Variants in TNKS observed in about 807,000 individuals in gnomAD.
TNKS encodes poly [ADP-ribose] polymerase tankyrase-1.
In TNKS, 72 loss-of-function variants were observed where a neutral mutation model predicts 135.8. The ratio of observed to expected loss-of-function variants is 0.53; its 90% CI spans 0.44 to 0.64. The LOEUF (loss-of-function observed/expected upper bound fraction) is 0.64, where lower values mean the gene tolerates loss of function less well. Ranked by LOEUF, TNKS falls within the 30% of genes least tolerant of loss-of-function variation. The pLI is 0.00. For missense variants in TNKS, 1,769 were observed against 1,674.0 expected (o/e 1.06, Z -0.99); for synonymous variants, 849 against 649.3 (o/e 1.31, Z -4.68).
At chr8:9,679,916 A>G (rs755175775) in intron 3 of TNKS, 35 bp from the exon 4 acceptor site, 1 of 1,585,844 alleles carries the variant, frequency 6.3e-7, no homozygotes, top group South Asian at 1.1e-5. Context: ...GTCTTCTGCC[A>G]AATGCTAACA....
intron 1 of TNKS, among the ~76,000 whole-genome samples, chr8:9,559,971 G>C (rs1435407119): frequency 1.3e-5 from 2 of 152,118 alleles, no homozygotes; most frequent in African/African-American, 2.4e-5. Context: ...TGATGCCTTT[G>C]TAAGATGGCT....
chr8:9,729,214 C>T (rs771621016), intron 13 of TNKS, among the ~76,000 whole-genome samples: 2 of 152,132 alleles, frequency 1.3e-5, no homozygotes, highest in Non-Finnish European at 2.9e-5. Flanking sequence ...GGGAAGAGTC[C>T]GCATGACCCA....
chr8:9,556,730 C>T (rs1815330624), intron 1 of TNKS, 118 bp downstream of exon 1: 1 of 1,165,692 alleles, frequency 8.6e-7, no homozygotes, highest in Admixed American at 2.2e-5. Context: ...GGTTCTTCAT[C>T]ACCTCACCAG....
intron 2 of TNKS, among the ~76,000 whole-genome samples, chr8:9,603,464 A>G (rs536683135): frequency 1.4e-4 from 22 of 152,252 alleles, no homozygotes; most frequent in Non-Finnish European, 2.4e-4. Context: ...ATTGGGCAGC[A>G]TAACTCTAGA....
Position 9,556,173 on chromosome 8 carries a change from C to T in TNKS, c.234C>T (p.Pro78=), listed in dbSNP as rs758104089. The T allele has an allele frequency of 1.2e-6, 2 of 1,612,164 alleles. No homozygotes were observed. The highest frequency in any genetic ancestry group is 2.2e-5 in the East Asian group (1 of 44,844). Residue 78 remains proline (P), a synonymous_variant, in exon 1 of 27, where the codon CCC becomes CCT. Transcript: ENST00000310430. ...GDGSRDPPDR[P]RSPDPVDGTS... is the part of the protein sequence containing the mutation. ...GCAGTCGGGATCCGCCCGACAGGCCCCGATCCCCGGACCCGGTTGACGGTA... is the reference window on the plus strand; with the variant it reads ...GCAGTCGGGATCCGCCCGACAGGCCTCGATCCCCGGACCCGGTTGACGGTA...
At chr8:9,574,670 CT>C (rs1017481840) in intron 1 of TNKS, among the ~76,000 whole-genome samples, 1 of 152,156 alleles carries the variant, frequency 6.6e-6, no homozygotes, top group Non-Finnish European at 1.5e-5. Flanking sequence ...AATTTATTTT[CT>C]TCAAATTCTT....
At chr8:9,752,299 C>T (rs1276663711) in intron 19 of TNKS, among the ~76,000 whole-genome samples, 1 of 151,880 alleles carries the variant, frequency 6.6e-6, no homozygotes, top group Admixed American at 6.6e-5. Context: ...AGTTATAATT[C>T]TATATTCTAA....
At chr8:9,613,549 T>TATCAGC (rs2128764555) in intron 2 of TNKS, among the ~76,000 whole-genome samples, 1 of 152,352 alleles carries the variant, frequency 6.6e-6, no homozygotes, top group South Asian at 2.1e-4. Context: ...TGAATTTTGT[T>TATCAGC]ATCAGCATCT....
chr8:9,561,026 C>CAACT (rs1371010901), intron 1 of TNKS, among the ~76,000 whole-genome samples: 8 of 152,130 alleles, frequency 5.3e-5, no homozygotes, highest in Admixed American at 5.2e-4. Context: ...TGTAACAAGC[C>CAACT]AACTGTTCAA....
At chr8:9,739,520 A>G (rs1246054810) in intron 17 of TNKS, among the ~76,000 whole-genome samples, 4 of 17,448 alleles carry the variant, frequency 2.3e-4, no homozygotes, top group African/African-American at 1.0e-3. Flanking sequence ...ATCTAGAACT[A>G]GAAATACCAT....
intron 5 of TNKS, among the ~76,000 whole-genome samples, chr8:9,703,963 C>T (rs1803934250): frequency 6.6e-6 from 1 of 152,130 alleles, no homozygotes; most frequent in Non-Finnish European, 1.5e-5. Context: ...AATAACTTGA[C>T]TCAAATTACA....
chr8:9,681,904 C>G (rs1802797537), intron 5 of TNKS, among the ~76,000 whole-genome samples: 1 of 152,090 alleles, frequency 6.6e-6, no homozygotes, highest in Admixed American at 6.6e-5. Flanking sequence ...TATATCGTTA[C>G]ATGGCCCAGT....
At chr8:9,654,489 C>G (rs1001155621) in intron 3 of TNKS, among the ~76,000 whole-genome samples, 2 of 152,288 alleles carry the variant, frequency 1.3e-5, no homozygotes, top group Non-Finnish European at 2.9e-5. Flanking sequence ...TCAGAATACA[C>G]AAACATGTTT....
intron 3 of TNKS, among the ~76,000 whole-genome samples, chr8:9,633,188 C>T (rs1006533938): frequency 1.3e-5 from 2 of 152,060 alleles, no homozygotes; most frequent in Admixed American, 6.5e-5. Flanking sequence ...GTACTACTAA[C>T]CTTCTCAGAG....
At chr8:9,588,620 A>G (rs1374045446) in intron 2 of TNKS, among the ~76,000 whole-genome samples, 1 of 152,178 alleles carries the variant, frequency 6.6e-6, no homozygotes, top group Non-Finnish European at 1.5e-5. Flanking sequence ...TATTGTCTGC[A>G]ATATGAGGCA....
At chr8:9,567,830 T>G (rs1295387740) in intron 1 of TNKS, among the ~76,000 whole-genome samples, 2 of 152,158 alleles carry the variant, frequency 1.3e-5, no homozygotes, top group African/African-American at 4.8e-5. Context: ...GAACAGTAAC[T>G]GAAACATATT....
chr8:9,751,766 G>C lies in TNKS; in HGVS notation c.2990G>C (p.Gly997Ala). The change falls in exon 19 of 27, where the codon GGC becomes GCC. Residue 997 changes from glycine (G) to alanine (A), a missense_variant. By Grantham distance (60) the Gly-to-Ala change is moderately conservative (BLOSUM62 0). Coordinates refer to ENST00000310430, the MANE Select transcript of TNKS (RefSeq NM_003747.3). ...SAASSIDNLT[G>A]PLAELAVGGA... ...GCCAGCAGCATAGACAACCTCACTG[G>C]CCCTTTAGCAGAGTTGGCCGTAGGA... The C allele has an allele frequency of 6.2e-7, 1 of 1,614,132 alleles. No homozygotes were observed. The highest frequency in any genetic ancestry group is 1.1e-5 in the South Asian group (1 of 91,078).
intron 3 of TNKS, among the ~76,000 whole-genome samples, chr8:9,630,492 G>A (rs1800247142): frequency 6.6e-6 from 1 of 152,182 alleles, no homozygotes; most frequent in South Asian, 2.1e-4. Flanking sequence ...GAATCTGCAA[G>A]TTCTACTTTC....
chr8:9,562,814 C>T (rs773538223), intron 1 of TNKS, among the ~76,000 whole-genome samples: 1 of 151,530 alleles, frequency 6.6e-6, no homozygotes, highest in Admixed American at 6.6e-5. Flanking sequence ...CTTCCCTTAG[C>T]CTTTTTTTTT....
Sources: allele counts gnomAD v4.1 joint callset (sites outside exome capture counted in the v4.1 genomes callset), GRCh38; gene constraint gnomAD v4.1.1; transcripts MANE v1.5; gene names NCBI Gene and HGNC (gene_info 2026-07-23, HGNC 2026-07-21).